ANKFN1: variants seen among roughly 807,000 people sequenced by gnomAD.
ANKFN1 encodes ankyrin repeat and fibronectin type-III domain-containing protein 1.
Under a neutral mutation model 108.7 loss-of-function variants are expected in ANKFN1, and 74 were observed. That is an observed-to-expected ratio of 0.68 (90% CI 0.56 to 0.83). The LOEUF (loss-of-function observed/expected upper bound fraction) is 0.83, where lower values mean the gene tolerates loss of function less well. Ranked by LOEUF, ANKFN1 falls within the 40% of genes least tolerant of loss-of-function variation. The probability of loss-of-function intolerance (pLI) is 0.00; values close to 1 mark genes in which losing one functional copy is unlikely to be tolerated. For synonymous variants in ANKFN1, 547 were observed against 516.2 expected (o/e 1.06, Z -0.81); for missense variants, 1,505 against 1,382.3 (o/e 1.09, Z -1.41).
chr17:56,205,682 A>G (rs1482200617), intron 1 of ANKFN1, among the ~76,000 whole-genome samples: 1 of 151,904 alleles, frequency 6.6e-6, no homozygotes, highest in Non-Finnish European at 1.5e-5. Flanking sequence ...AATTCATTCT[A>G]TTTTTCCATG....
At chr17:56,338,864 G>C (rs2045887484) in intron 4 of ANKFN1, among the ~76,000 whole-genome samples, 1 of 152,026 alleles carries the variant, frequency 6.6e-6, no homozygotes. Context: ...AAAGCCTGAA[G>C]GGACAAAAGG....
intron 6 of ANKFN1, chr17:56,368,276 C>CTTTTCTTTTTTTTTTT (rs2046713878): frequency 1.5e-5 from 1 of 65,416 alleles, no homozygotes; most frequent in Non-Finnish European, 3.0e-5. Context: ...TGAAAATGAA[C>CTTTTCTTTTTTTTTTT]TTTTTTTTTT....
intron 4 of ANKFN1, among the ~76,000 whole-genome samples, chr17:56,079,867 A>G (rs1905224670): frequency 6.6e-6 from 1 of 152,216 alleles, no homozygotes; most frequent in Non-Finnish European, 1.5e-5. Context: ...AACCTCTGTA[A>G]GGTGGGAGGT....
intron 3 of ANKFN1, among the ~76,000 whole-genome samples, chr17:56,278,773 C>T (rs2043998788): frequency 6.6e-6 from 1 of 152,146 alleles, no homozygotes. Flanking sequence ...TACAAATAAT[C>T]AAAAACAAAG....
intron 1 of ANKFN1, among the ~76,000 whole-genome samples, chr17:56,186,519 C>T (rs1912228088): frequency 1.3e-5 from 2 of 152,288 alleles, no homozygotes; most frequent in Non-Finnish European, 2.9e-5. Context: ...GAGCATTCCA[C>T]GTTGTCCACT....
intron 1 of ANKFN1, among the ~76,000 whole-genome samples, chr17:56,175,132 G>A (rs1306180399): frequency 2.0e-5 from 3 of 152,078 alleles, no homozygotes; most frequent in Non-Finnish European, 2.9e-5. Flanking sequence ...ATTCTTTGAT[G>A]TCTGCAGGAT....
intron 19 of ANKFN1, among the ~76,000 whole-genome samples, chr17:56,494,548 G>T (rs1025536219): frequency 6.6e-6 from 1 of 152,030 alleles, no homozygotes; most frequent in Non-Finnish European, 1.5e-5. Flanking sequence ...GCAACACAGT[G>T]AGACTCCATC....
intron 4 of ANKFN1, among the ~76,000 whole-genome samples, chr17:56,338,379 C>T (rs2045873172): frequency 6.6e-6 from 1 of 151,936 alleles, no homozygotes; most frequent in East Asian, 1.9e-4. Flanking sequence ...TGCAGCAAAC[C>T]AACATGGCAC....
intron 8 of ANKFN1, among the ~76,000 whole-genome samples, chr17:56,394,450 A>T (rs1342987270): frequency 1.3e-5 from 2 of 152,186 alleles, no homozygotes; most frequent in Non-Finnish European, 2.9e-5. Flanking sequence ...CTTTATTGCC[A>T]TGCAACTGTG....
At chr17:56,282,273 A>T (rs1221501710) in intron 3 of ANKFN1, among the ~76,000 whole-genome samples, 1 of 151,234 alleles carries the variant, frequency 6.6e-6, no homozygotes, top group Non-Finnish European at 1.5e-5. Context: ...TCAGAACAAC[A>T]GGTGCCGTGT....
At position 56,287,258 on chromosome 17, in the gene ANKFN1, C is replaced by T. The variant is rs76967424; in HGVS notation, c.54-38963C>T. Among the ~76,000 whole-genome samples, 1,335 of 152,170 alleles carry T rather than the reference C, an allele frequency of 8.8e-3. 8 individuals are homozygous for T. Among genetic ancestry groups the T allele is most frequent in the Non-Finnish European group, 0.014 (979 of 68,002 alleles). On this transcript the variant is annotated intron_variant, in intron 3 of 20. Transcript: ENST00000682825. Reference sequence around the variant, plus strand: ...TCCATTACCAACCAACCTCTACGAACGGAAAAGCAGCACAGTACTGTAGTC... The same window carrying T: ...TCCATTACCAACCAACCTCTACGAATGGAAAAGCAGCACAGTACTGTAGTC...
chr17:56,159,203 C>G (rs542281460), intron 1 of ANKFN1, among the ~76,000 whole-genome samples: 1 of 152,310 alleles, frequency 6.6e-6, no homozygotes, highest in African/African-American at 2.4e-5. Context: ...TGCATTTAAT[C>G]AATATCCAGA....
At chr17:56,349,291 C>T (rs1437322495) in intron 4 of ANKFN1, among the ~76,000 whole-genome samples, 1 of 151,930 alleles carries the variant, frequency 6.6e-6, no homozygotes, top group Non-Finnish European at 1.5e-5. Context: ...GGGCTTAATA[C>T]CTAGGTAAAC....
At chr17:56,481,187 A>G (rs775708911) in intron 17 of ANKFN1, among the ~76,000 whole-genome samples, 4 of 152,042 alleles carry the variant, frequency 2.6e-5, no homozygotes, top group Non-Finnish European at 5.9e-5. Flanking sequence ...ATAAAGGTGT[A>G]CTCACATGTA....
rs957728897 is a variant in ANKFN1, at chr17:56,456,888, G to T, written c.1235G>T (p.Arg412Leu). 6.8e-6 allele frequency: 11 copies of T among 1,613,924 alleles called. No individual in the cohort carries two copies. The highest frequency in any genetic ancestry group is 5.0e-5 in the Admixed American group (3 of 59,996). The change falls in exon 12 of 21, where the codon CGC (arginine) becomes CTC (leucine). Residue 412 changes from arginine to leucine, a missense_variant. Transcript: ENST00000682825. ...RESTKLQTTG[R>L]KQSVSRSLKH... ...AGCACAAAATTACAAACCACAGGCC[G>T]CAAGCAGTCAGTCTCAAGAAGCCTG...
intron 1 of ANKFN1, among the ~76,000 whole-genome samples, chr17:56,182,033 G>T (rs952191148): frequency 6.6e-6 from 1 of 152,154 alleles, no homozygotes; most frequent in Non-Finnish European, 1.5e-5. Context: ...TCCCATATGT[G>T]ATAGCAAACT....
chr17:56,397,486 T>C (rs2047621692), intron 8 of ANKFN1, among the ~76,000 whole-genome samples: 1 of 152,226 alleles, frequency 6.6e-6, no homozygotes, highest in Non-Finnish European at 1.5e-5. Context: ...GCATTTGGTT[T>C]AGGAAAGTCC....
intron 2 of ANKFN1, among the ~76,000 whole-genome samples, chr17:56,213,333 G>A (rs539684202): frequency 1.2e-4 from 18 of 152,244 alleles, no homozygotes; most frequent in South Asian, 8.3e-4. Context: ...CTGTGCACAC[G>A]AGCGGTGGCT....
intron 15 of ANKFN1, among the ~76,000 whole-genome samples, chr17:56,467,842 GAAAGAAAGAA>G (rs59040900): frequency 0.31 from 15,512 of 50,380 alleles, 1,385 homozygotes; most frequent in East Asian, 0.51. Context: ...AAGAAAGAAA[GAAAGAAAGAA>G]AAAGGGAAAG....
Sources: gnomAD v4.1 joint callset for allele counts (sites outside exome capture counted in the v4.1 genomes callset) on GRCh38, gnomAD v4.1.1 for gene constraint, MANE v1.5 for transcripts, NCBI Gene and HGNC (gene_info 2026-07-23, HGNC 2026-07-21) for gene names.